The following RTN1 variants were observed in gnomAD, a reference collection of about 807,000 sequenced individuals.
RTN1 encodes reticulon-1.
Under a neutral mutation model 65.5 loss-of-function variants are expected in RTN1, and 25 were observed. The observed-to-expected ratio is 0.38, with a 90% CI of 0.28 to 0.53. The LOEUF (loss-of-function observed/expected upper bound fraction) is 0.53, where lower values mean the gene tolerates loss of function less well. Among genes scored for constraint, RTN1 ranks in the 20% least tolerant of loss-of-function variants. RTN1 has a pLI of 0.79. For synonymous variants in RTN1, 471 were observed against 447.6 expected, an observed-to-expected ratio of 1.05 and a Z score of -0.66; for missense variants, 983 against 1,025.4, an observed-to-expected ratio of 0.96 and a Z score of 0.57.
At chr14:59,869,577 G>GT (rs1431022543) in intron 1 of RTN1, among the ~76,000 whole-genome samples, 1 of 92,078 alleles carries the variant, frequency 1.1e-5, no homozygotes, top group Admixed American at 1.0e-4. Context: ...CAATTTCCGG[G>GT]GTGGGGGGGG....
In RTN1 at chr14:59,763,560, T is replaced by A. The variant is rs1288437326; in HGVS notation, c.242-17079A>T. On this transcript the variant is annotated intron_variant, in intron 1 of 8. Coordinates refer to ENST00000267484, the MANE Select transcript of RTN1 (RefSeq NM_021136.3). ...TTTTTTTTTTTTTTTTGAGACAGAGTCTCGCCCTGTTGCCCAGGCTGGAGT... is the reference window on the plus strand; with the variant it reads ...TTTTTTTTTTTTTTTTGAGACAGAGACTCGCCCTGTTGCCCAGGCTGGAGT... Among the ~76,000 whole-genome samples the A allele has an allele frequency of 2.1e-5, 3 of 146,078 alleles. No individual in the cohort carries two copies. In the Admixed American group the frequency reaches 2.1e-4, roughly 10 times the overall value.
chr14:59,800,223 C>T (rs187507495), intron 1 of RTN1, among the ~76,000 whole-genome samples: 16 of 152,142 alleles, frequency 1.1e-4, no homozygotes, highest in African/African-American at 3.6e-4. Flanking sequence ...GAAACAAAAT[C>T]CCAGCCTAAT....
intron 3 of RTN1, among the ~76,000 whole-genome samples, chr14:59,691,517 G>C (rs1421259268): frequency 6.6e-6 from 1 of 152,062 alleles, no homozygotes; most frequent in African/African-American, 2.4e-5. Context: ...AAGAACAGCT[G>C]GTACCAATTC....
At chr14:59,783,890 C>A (rs1040657116) in intron 1 of RTN1, among the ~76,000 whole-genome samples, 1 of 147,692 alleles carries the variant, frequency 6.8e-6, no homozygotes. Flanking sequence ...ATTTTATAAC[C>A]TTATAATTTT....
intron 3 of RTN1, among the ~76,000 whole-genome samples, chr14:59,687,598 A>C (rs1883874322): frequency 6.6e-6 from 1 of 151,548 alleles, no homozygotes; most frequent in East Asian, 2.0e-4. Context: ...CTGCTCACCT[A>C]GTTCAGCAGC....
intron 1 of RTN1, among the ~76,000 whole-genome samples, chr14:59,751,780 G>A (rs551997389): frequency 2.6e-4 from 40 of 152,210 alleles, no homozygotes; most frequent in Non-Finnish European, 5.0e-4. Context: ...TCCTACCACC[G>A]GGGTTATCTC....
At chr14:59,701,913 AC>A (rs538094044) in intron 3 of RTN1, among the ~76,000 whole-genome samples, 4 of 152,188 alleles carry the variant, frequency 2.6e-5, no homozygotes, top group Non-Finnish European at 5.9e-5. Flanking sequence ...TCAGATTCTT[AC>A]GTAGTTATCT....
At chr14:59,757,122 G>A (rs1171565674) in intron 1 of RTN1, among the ~76,000 whole-genome samples, 1 of 152,176 alleles carries the variant, frequency 6.6e-6, no homozygotes, top group Non-Finnish European at 1.5e-5. Context: ...CTGAATGTCT[G>A]TGTTCCCCTA....
chr14:59,749,168 A>ATATATCTATC (rs1885305819), intron 1 of RTN1, among the ~76,000 whole-genome samples: 1 of 103,546 alleles, frequency 9.7e-6, no homozygotes. Flanking sequence ...ATCTATCTAT[A>ATATATCTATC]TATCTATCTA....
intron 3 of RTN1, among the ~76,000 whole-genome samples, chr14:59,632,889 G>A (rs1882584443): frequency 6.6e-6 from 1 of 151,990 alleles, no homozygotes; most frequent in Non-Finnish European, 1.5e-5. Context: ...TGAGCCAGGA[G>A]CTCAAGACCA....
At chr14:59,607,104 C>T (rs778855866) in intron 4 of RTN1, among the ~76,000 whole-genome samples, 181 bp downstream of exon 4, 4 of 152,142 alleles carry the variant, frequency 2.6e-5, no homozygotes, top group African/African-American at 7.2e-5. Context: ...TAAGAATAAT[C>T]GAGTTTGTTT....
intron 3 of RTN1, among the ~76,000 whole-genome samples, chr14:59,632,784 C>T (rs1594643482): frequency 6.6e-6 from 1 of 152,034 alleles, no homozygotes; most frequent in Non-Finnish European, 1.5e-5. Flanking sequence ...CTGGGCCAGG[C>T]GTTTTCATTG....
At position 59,746,453 on chromosome 14, in the gene RTN1, G is replaced by C. The variant is rs758708901; in HGVS notation, c.270C>G (p.Asp90Glu). ...CTTTTGATGTTGTTGAGAAGGTGTG[G>C]TCCATGGCACTGGAAACACCTGCCA... ...TGVAGVSSAM[D>E]HTFSTTSKDG... The change falls in exon 2 of 9, where the codon GAC (aspartate) becomes GAG (glutamate). Residue 90 changes from aspartate (D) to glutamate (E), a missense_variant. By Grantham distance (45) the Asp-to-Glu change is conservative (BLOSUM62 2). Coordinates refer to ENST00000267484, the MANE Select transcript of RTN1 (RefSeq NM_021136.3). 7 of 1,601,318 alleles carry C rather than the reference G, an allele frequency of 4.4e-6. No individual in the cohort carries two copies. The East Asian group carries it at 1.3e-4, about 31-fold the overall frequency.
At chr14:59,721,677 C>T (rs143849324) in intron 3 of RTN1, among the ~76,000 whole-genome samples, 66 of 152,252 alleles carry the variant, frequency 4.3e-4, no homozygotes, top group African/African-American at 1.5e-3. Flanking sequence ...TGGTTGTGTA[C>T]TTTAGGGTTC....
intron 3 of RTN1, among the ~76,000 whole-genome samples, chr14:59,682,006 T>C (rs1044808834): frequency 6.6e-6 from 1 of 152,200 alleles, no homozygotes; most frequent in Non-Finnish European, 1.5e-5. Flanking sequence ...TGGAGAAATC[T>C]TTCTAAACAT....
At chr14:59,656,448 G>C (rs575509809) in intron 3 of RTN1, among the ~76,000 whole-genome samples, 1 of 152,340 alleles carries the variant, frequency 6.6e-6, no homozygotes, top group Admixed American at 6.5e-5. Context: ...TCAACACAAG[G>C]CTTGGTGAAC....
intron 3 of RTN1, among the ~76,000 whole-genome samples, chr14:59,660,705 G>A (rs965177504): frequency 2.6e-5 from 4 of 152,094 alleles, no homozygotes; most frequent in Admixed American, 6.6e-5. Context: ...CAGACACAAT[G>A]TACCAGAATC....
intron 3 of RTN1, among the ~76,000 whole-genome samples, chr14:59,640,518 T>C (rs1387088039): frequency 6.6e-6 from 1 of 152,148 alleles, no homozygotes; most frequent in Non-Finnish European, 1.5e-5. Flanking sequence ...GGTTTCACCA[T>C]CTTGGCCAGG....
At chr14:59,743,374 G>C (rs1370231007) in intron 2 of RTN1, among the ~76,000 whole-genome samples, 2 of 152,178 alleles carry the variant, frequency 1.3e-5, no homozygotes, top group Non-Finnish European at 2.9e-5. Context: ...CTGAGGACTG[G>C]CTGAAGTTCT....
Sources: allele counts gnomAD v4.1 joint callset (sites outside exome capture counted in the v4.1 genomes callset), GRCh38; gene constraint gnomAD v4.1.1; transcripts MANE v1.5; gene names NCBI Gene and HGNC (gene_info 2026-07-23, HGNC 2026-07-21).